The following SH3KBP1 variants were observed in gnomAD, a reference collection of about 807,000 sequenced individuals.
The protein encoded by SH3KBP1 is SH3 domain containing kinase binding protein 1.
SH3KBP1 carries 8 observed loss-of-function variants against 50.1 expected under a neutral mutation model. That is an observed-to-expected ratio of 0.16 (90% CI 0.09 to 0.29). The LOEUF (loss-of-function observed/expected upper bound fraction) is 0.29, where lower values mean the gene tolerates loss of function less well. Ranked by LOEUF, SH3KBP1 falls within the 10% of genes least tolerant of loss-of-function variation. SH3KBP1 has a pLI of 1.00. For synonymous variants in SH3KBP1, 227 were observed against 218.6 expected (o/e 1.04, Z -0.34); for missense variants, 377 against 535.2 (o/e 0.70, Z 2.92).
Position 19,695,706 on chromosome X carries a change from C to T in SH3KBP1, c.426G>A (p.Gly142=), listed in dbSNP as rs778139695. Residue 142 remains glycine, a synonymous_variant, in exon 5 of 18, where the codon GGG becomes GGA. Transcript: ENST00000397821. The stretch of plus-strand genomic sequence containing the variant: ...AGTTGGAAGGAAACATTCCAGTCTT[C>T]CCGTTGAGAACACCTTCCCACCATC... ...EEGWWEGVLN[G]KTGMFPSNFI... is the part of the protein sequence containing the mutation. 8.3e-7 allele frequency: 1 copy of T among 1,209,494 alleles called. No homozygotes were observed. Among genetic ancestry groups the T allele is most frequent in the Non-Finnish European group, 1.1e-6 (1 of 894,385 alleles).
At chrX:19,577,542 G>A (rs773496873) in intron 12 of SH3KBP1, among the ~76,000 whole-genome samples, 6 of 111,276 alleles carry the variant, frequency 5.4e-5, no homozygotes, top group East Asian at 2.8e-4. Context: ...GATGGGGCTC[G>A]TGCACAGACG....
chrX:19,713,989 A>G (rs1333195143), intron 3 of SH3KBP1, among the ~76,000 whole-genome samples: 1 of 112,376 alleles, frequency 8.9e-6, no homozygotes. Flanking sequence ...CATATACCCA[A>G]TGGAATGCTA....
chrX:19,552,240 T>C (rs759327716), intron 13 of SH3KBP1, among the ~76,000 whole-genome samples: 54 of 112,195 alleles, frequency 4.8e-4, no homozygotes, highest in Non-Finnish European at 8.6e-4. Context: ...TTTACTGTTT[T>C]GGAAGAGCGC....
chrX:19,688,358 C>T (rs1260570057), intron 5 of SH3KBP1, among the ~76,000 whole-genome samples: 1 of 111,716 alleles, frequency 9.0e-6, no homozygotes, highest in East Asian at 2.8e-4. Context: ...ACCAAGGACA[C>T]CAGAAAACCC....
intron 12 of SH3KBP1, 186 bp downstream of exon 12, chrX:19,588,457 T>C: frequency 8.5e-7 from 1 of 1,173,040 alleles, no homozygotes; most frequent in East Asian, 3.2e-5. Flanking sequence ...CACTCCTGCC[T>C]GAGTGCAGGA....
chrX:19,553,383 A>G (rs2065298374), intron 13 of SH3KBP1, among the ~76,000 whole-genome samples: 1 of 111,505 alleles, frequency 9.0e-6, no homozygotes, highest in Non-Finnish European at 1.9e-5. Context: ...GTAATGAGTT[A>G]TACTTTTAAA....
At chrX:19,617,902 A>AAAAAAC (rs1233123105) in intron 8 of SH3KBP1, among the ~76,000 whole-genome samples, 1 of 111,301 alleles carries the variant, frequency 9.0e-6, no homozygotes, top group Non-Finnish European at 1.9e-5. Context: ...AAATGAGGGG[A>AAAAAAC]AAAAACAAAA....
rs140787503 is a variant in SH3KBP1 at position 19,656,868 on chromosome X, T to A, written c.727-11393A>T. On this transcript the variant is annotated intron_variant, in intron 6 of 17. Transcript: ENST00000397821. Reference sequence around the variant, plus strand: ...ACATGTGAGAAACTCCTGACACATATGAAAAAGCATCTTTCTAATCTGACA... The same window carrying A: ...ACATGTGAGAAACTCCTGACACATAAGAAAAAGCATCTTTCTAATCTGACA... Among the ~76,000 whole-genome samples the A allele has an allele frequency of 4.5e-5, 5 of 112,167 alleles. No homozygotes were observed. The East Asian group carries it at 1.1e-3, about 25-fold the overall frequency.
intron 3 of SH3KBP1, among the ~76,000 whole-genome samples, chrX:19,744,978 G>C (rs2064874613): frequency 8.9e-6 from 1 of 112,457 alleles, no homozygotes; most frequent in Non-Finnish European, 1.9e-5. Flanking sequence ...CAACATGCGT[G>C]CAATTGCCGT....
intron 1 of SH3KBP1, among the ~76,000 whole-genome samples, chrX:19,863,774 A>C (rs1431129531): frequency 1.8e-5 from 2 of 111,827 alleles, no homozygotes; most frequent in African/African-American, 6.5e-5. Context: ...TTTAGTGGCA[A>C]GAGTGCACTG....
chrX:19,640,925 A>G (rs1249266496), intron 7 of SH3KBP1, among the ~76,000 whole-genome samples: 2 of 111,761 alleles, frequency 1.8e-5, no homozygotes, highest in African/African-American at 3.3e-5. Flanking sequence ...TTATTTACAT[A>G]GGGTGTGTAC....
chrX:19,812,095 A>G (rs1413356093), intron 2 of SH3KBP1, among the ~76,000 whole-genome samples: 2 of 111,496 alleles, frequency 1.8e-5, no homozygotes, highest in African/African-American at 6.6e-5. Context: ...AGGCAAGCCC[A>G]CTTTGTTTTT....
intron 8 of SH3KBP1, among the ~76,000 whole-genome samples, chrX:19,620,527 T>C (rs1306098116): frequency 8.9e-6 from 1 of 112,166 alleles, no homozygotes; most frequent in African/African-American, 3.2e-5. Context: ...GAGTAAAAAA[T>C]ACAATTCCAA....
At chrX:19,711,560 A>T (rs2063774404) in intron 3 of SH3KBP1, among the ~76,000 whole-genome samples, 1 of 110,741 alleles carries the variant, frequency 9.0e-6, no homozygotes, top group South Asian at 3.8e-4. Context: ...TCAACTGAAA[A>T]CTTCCAACAC....
chrX:19,591,774 G>A (rs1282004918), intron 11 of SH3KBP1, among the ~76,000 whole-genome samples: 1 of 112,232 alleles, frequency 8.9e-6, no homozygotes, highest in East Asian at 2.8e-4. Flanking sequence ...ACTTACATCC[G>A]ACTTCAGGGT....
At chrX:19,711,639 G>T (rs2063779124) in intron 3 of SH3KBP1, among the ~76,000 whole-genome samples, 1 of 95,927 alleles carries the variant, frequency 1.0e-5, no homozygotes, top group Non-Finnish European at 2.0e-5. Flanking sequence ...CCCCATGATG[G>T]AACAAGAGTA....
At chrX:19,773,855 C>CG (rs1284878881) in intron 2 of SH3KBP1, among the ~76,000 whole-genome samples, 7 of 41,441 alleles carry the variant, frequency 1.7e-4, no homozygotes, top group Admixed American at 4.1e-4. Flanking sequence ...GACTCCGGCT[C>CG]GAAAAAAAAA....
At chrX:19,553,802 G>A (rs73193547) in intron 13 of SH3KBP1, among the ~76,000 whole-genome samples, 174 of 94,272 alleles carry the variant, frequency 1.8e-3, no homozygotes, top group Non-Finnish European at 3.1e-3. Flanking sequence ...AGGAAGGTCC[G>A]AATACCTCAG....
intron 1 of SH3KBP1, among the ~76,000 whole-genome samples, chrX:19,853,984 A>G (rs2068582043): frequency 9.1e-6 from 1 of 109,716 alleles, no homozygotes; most frequent in Admixed American, 9.7e-5. Context: ...CAACAGCCAG[A>G]AGTCCCTTCT....
Sources: gnomAD v4.1 joint callset for allele counts (sites outside exome capture counted in the v4.1 genomes callset) on GRCh38, gnomAD v4.1.1 for gene constraint, MANE v1.5 for transcripts, NCBI Gene and HGNC (gene_info 2026-07-23, HGNC 2026-07-21) for gene names.